The following SLC2A12 variants were observed in gnomAD, a reference collection of about 807,000 sequenced individuals.
SLC2A12 encodes the protein solute carrier family 2 member 12.
SLC2A12 carries 23 observed loss-of-function variants against 41.8 expected under a neutral mutation model. The observed-to-expected ratio is 0.55, with a 90% CI of 0.40 to 0.78. The LOEUF (loss-of-function observed/expected upper bound fraction) is 0.78. Ranked by LOEUF, SLC2A12 falls within the 30% of genes least tolerant of loss-of-function variation. The probability of loss-of-function intolerance (pLI) is 0.00; values close to 1 mark genes in which losing one functional copy is unlikely to be tolerated. For missense variants in SLC2A12, 654 were observed against 745.6 expected (o/e 0.88, Z 1.43); for synonymous variants, 295 against 285.9 (o/e 1.03, Z -0.32).
chr6:134,052,268 C>CAG (rs1554209946), intron 1 of SLC2A12, 110 bp downstream of exon 1: 2 of 770,078 alleles, frequency 2.6e-6, no homozygotes, highest in Non-Finnish European at 4.0e-6. Context: ...CACACACACA[C>CAG]ACACACACAC....
chr6:133,996,016 C>T (rs554735791), intron 4 of SLC2A12, among the ~76,000 whole-genome samples: 5 of 152,320 alleles, frequency 3.3e-5, no homozygotes, highest in East Asian at 3.9e-4. Context: ...TTCTCAGATC[C>T]GCCCAGTTGA....
chr6:134,039,539 G>C (rs1777351956), intron 1 of SLC2A12, among the ~76,000 whole-genome samples: 1 of 152,122 alleles, frequency 6.6e-6, no homozygotes, highest in Admixed American at 6.5e-5. Flanking sequence ...CAGATTTGCA[G>C]CATTGCAAAT....
At chr6:134,032,876 T>TTA (rs66601147) in intron 1 of SLC2A12, among the ~76,000 whole-genome samples, 2 of 144,758 alleles carry the variant, frequency 1.4e-5, no homozygotes, top group East Asian at 2.0e-4. Context: ...ATTACATATA[T>TTA]TATATATATA....
At chr6:134,032,594 A>G (rs1387707412) in intron 1 of SLC2A12, among the ~76,000 whole-genome samples, 2 of 145,882 alleles carry the variant, frequency 1.4e-5, no homozygotes, top group African/African-American at 2.6e-5. Context: ...TATCTTCCCT[A>G]TTATATGCTT....
At chr6:134,011,899 C>G (rs939746448) in intron 2 of SLC2A12, among the ~76,000 whole-genome samples, 3 of 151,860 alleles carry the variant, frequency 2.0e-5, no homozygotes, top group African/African-American at 7.3e-5. Context: ...AAAAATTAGA[C>G]AAGCGTGGTA....
In SLC2A12 at chr6:133,989,096, C is replaced by G. The variant is rs1776581992; in HGVS notation, c.*2059G>C. The G allele has an allele frequency of 6.6e-6, 1 of 152,134 alleles. No individual in the cohort carries two copies. Among genetic ancestry groups the G allele is most frequent in the Non-Finnish European group, 1.5e-5 (1 of 68,036 alleles). 9.4% of individuals were successfully genotyped at this position (152,134 alleles called of 1,614,324 possible). ...TTCAGGGCTGCCGAATGAGCCTCAC[C>G]TAACAGTGTCCATGGGTAATTCGCT... On this transcript the variant is annotated 3_prime_UTR_variant, in exon 5 of 5. Transcript: ENST00000275230.
intron 2 of SLC2A12, among the ~76,000 whole-genome samples, chr6:134,020,634 T>G (rs1777028294): frequency 6.6e-6 from 1 of 152,214 alleles, no homozygotes; most frequent in African/African-American, 2.4e-5. Context: ...TATTTGGGTC[T>G]CTTTTAAAAA....
intron 1 of SLC2A12, among the ~76,000 whole-genome samples, chr6:134,038,571 G>A (rs768341009): frequency 1.5e-4 from 22 of 151,144 alleles, no homozygotes; most frequent in Non-Finnish European, 2.4e-4. Context: ...TGTTGGCAAG[G>A]CTGATCTTGC....
chr6:134,039,941 T>G (rs1777357649), intron 1 of SLC2A12, among the ~76,000 whole-genome samples: 1 of 152,156 alleles, frequency 6.6e-6, no homozygotes, highest in Admixed American at 6.5e-5. Context: ...ATTGGAGGCT[T>G]CTCGAGGCCT....
intron 2 of SLC2A12, among the ~76,000 whole-genome samples, chr6:134,024,804 T>C (rs898599878): frequency 4.6e-5 from 7 of 152,242 alleles, no homozygotes; most frequent in Non-Finnish European, 7.3e-5. Context: ...TGTCTGACCC[T>C]GGGCACCTCC....
chr6:134,015,305 C>T (rs919017435), intron 2 of SLC2A12, among the ~76,000 whole-genome samples: 1 of 152,068 alleles, frequency 6.6e-6, no homozygotes, highest in African/African-American at 2.4e-5. Context: ...ACACTGGGGC[C>T]TATCGAAGGA....
chr6:134,007,057 A>T (rs1776824973), intron 2 of SLC2A12, 123 bp from the exon 3 acceptor site: 4 of 1,001,940 alleles, frequency 4.0e-6, no homozygotes, highest in Admixed American at 4.9e-5. Context: ...GGGAAGCACC[A>T]TTTCCTACCT....
At chr6:134,005,009 A>G (rs1776795173) in intron 3 of SLC2A12, among the ~76,000 whole-genome samples, 1 of 152,224 alleles carries the variant, frequency 6.6e-6, no homozygotes, top group South Asian at 2.1e-4. Context: ...TCGTTTTTAA[A>G]AAAATAAATT....
chr6:134,013,034 T>C (rs1776908387), intron 2 of SLC2A12, among the ~76,000 whole-genome samples: 1 of 152,292 alleles, frequency 6.6e-6, no homozygotes, highest in African/African-American at 2.4e-5. Flanking sequence ...GTTTACATTG[T>C]TTCTTTTTCA....
chr6:134,003,837 T>C (rs1377709961), intron 3 of SLC2A12, among the ~76,000 whole-genome samples: 1 of 152,238 alleles, frequency 6.6e-6, no homozygotes, highest in Non-Finnish European at 1.5e-5. Context: ...CATTTGTCTA[T>C]CTGGAACAGT....
rs751047126 is a variant in SLC2A12, at chr6:134,029,669, G to A, written c.156C>T (p.Leu52=). Reference sequence around the variant, plus strand: ...TGATCCCAAGTTCATAACCCACCAGGAGGCCACTGACAGCAGCAGTGACAG... The same window carrying A: ...TGATCCCAAGTTCATAACCCACCAGAAGGCCACTGACAGCAGCAGTGACAG... ...LSSVTAAVSG[L]LVGYELGIIS... is the part of the protein sequence containing the mutation. Residue 52 remains leucine (L), a synonymous_variant, in exon 2 of 5, where the codon CTC becomes CTT. Transcript: ENST00000275230. 3.1e-6 allele frequency: 5 copies of A among 1,611,196 alleles called. No individual in the cohort carries two copies. In the South Asian group the frequency reaches 5.5e-5, roughly 18 times the overall value.
At chr6:134,010,716 A>G (rs1346036106) in intron 2 of SLC2A12, among the ~76,000 whole-genome samples, 1 of 152,170 alleles carries the variant, frequency 6.6e-6, no homozygotes, top group Non-Finnish European at 1.5e-5. Context: ...CCTGATCCAG[A>G]TGAAATCCAC....
chr6:134,003,595 G>A (rs146665505), intron 3 of SLC2A12, among the ~76,000 whole-genome samples: 1 of 152,182 alleles, frequency 6.6e-6, no homozygotes, highest in African/African-American at 2.4e-5. Flanking sequence ...CCCCTTCTCC[G>A]TGACAGCCAT....
chr6:134,006,204 A>C (rs1033538255), intron 3 of SLC2A12, among the ~76,000 whole-genome samples: 13 of 148,262 alleles, frequency 8.8e-5, no homozygotes, highest in South Asian at 4.4e-4. Flanking sequence ...AAAAAAAAAA[A>C]CAGAGAAACA....
Sources: allele counts gnomAD v4.1 joint callset (sites outside exome capture counted in the v4.1 genomes callset), GRCh38; gene constraint gnomAD v4.1.1; transcripts MANE v1.5; gene names NCBI Gene and HGNC (gene_info 2026-07-23, HGNC 2026-07-21).